Variants in PPP1R13B observed in about 807,000 individuals in gnomAD.
The protein encoded by PPP1R13B is protein phosphatase 1 regulatory subunit 13B, also known as apoptosis-stimulating of p53 protein 1.
PPP1R13B carries 44 observed loss-of-function variants against 119.8 expected under a neutral mutation model. The ratio of observed to expected loss-of-function variants is 0.37; its 90% CI spans 0.29 to 0.47. PPP1R13B has a LOEUF of 0.47. PPP1R13B is among the 20% of genes least tolerant of loss of function. PPP1R13B has a pLI of 0.99. For missense variants in PPP1R13B, 1,227 were observed against 1,413.5 expected (o/e 0.87, Z 2.12); for synonymous variants, 542 against 561.5 (o/e 0.97, Z 0.49).
intron 2 of PPP1R13B, among the ~76,000 whole-genome samples, chr14:103,792,710 C>T (rs906667758): frequency 2.0e-5 from 3 of 151,936 alleles, no homozygotes; most frequent in Admixed American, 2.0e-4. Context: ...GAGTTTAAGG[C>T]TGCAGTGAGC....
chr14:103,760,868 C>T (rs891748779), intron 4 of PPP1R13B, among the ~76,000 whole-genome samples: 2 of 152,208 alleles, frequency 1.3e-5, no homozygotes, highest in Non-Finnish European at 2.9e-5. Context: ...TCACTGCCTT[C>T]TTTCTCCAAA....
chr14:103,798,753 A>C (rs1025819081), intron 1 of PPP1R13B, among the ~76,000 whole-genome samples: 1 of 152,102 alleles, frequency 6.6e-6, no homozygotes, highest in African/African-American at 2.4e-5. Context: ...CCCAGGCTGG[A>C]GTGCAGTGGC....
rs1214594752 is a variant in PPP1R13B, at chr14:103,797,521, G to GT, written c.10-4dup. 5 of 1,607,774 alleles carry GT rather than the reference G, an allele frequency of 3.1e-6. No individual in the cohort carries two copies. In the Admixed American group the frequency reaches 8.4e-5, roughly 27 times the overall value. ...CTCAAGAAAACAGTTAATATCATCT[G>GT]TAAGACAAAAGAGTAAAGCTGTAAT... is the stretch of plus-strand genomic sequence containing the variant. On this transcript the variant is annotated splice_region_variant and splice_polypyrimidine_tract_variant and intron_variant, in intron 1 of 16. Transcript: ENST00000202556.
intron 1 of PPP1R13B, among the ~76,000 whole-genome samples, chr14:103,799,700 T>C (rs561328689): frequency 3.3e-5 from 5 of 152,106 alleles, no homozygotes; most frequent in Admixed American, 2.0e-4. Flanking sequence ...AATTTTTTTT[T>C]CCCCTTTTCC....
intron 1 of PPP1R13B, among the ~76,000 whole-genome samples, chr14:103,819,478 G>C (rs766330995): frequency 2.1e-5 from 3 of 139,958 alleles, no homozygotes; most frequent in Non-Finnish European, 3.0e-5. Flanking sequence ...GCCTGGGCAA[G>C]AGAATGAGAA....
Position 103,734,516 on chromosome 14 carries a change from G to A in PPP1R13B, c.*638C>T, listed in dbSNP as rs868585588. 9 of 456,312 alleles carry A rather than the reference G, an allele frequency of 2.0e-5. No individual in the cohort carries two copies. The Middle Eastern group carries it at 2.3e-3, about 116-fold the overall frequency. 28.3% of individuals were successfully genotyped at this position (456,312 alleles called of 1,614,324 possible). A position where few individuals can be genotyped will look rare whatever the true frequency, so the allele number is the denominator to read the frequency against. ...TAGGGGTCCTGGTGCCCGTGGCGCG[G>A]CAGTCCAGCCACAGTGCTGGGCCTG... On this transcript the variant is annotated 3_prime_UTR_variant, in exon 17 of 17. Transcript: ENST00000202556.
intron 1 of PPP1R13B, among the ~76,000 whole-genome samples, chr14:103,812,882 A>G (rs1476823727): frequency 6.6e-6 from 1 of 152,248 alleles, no homozygotes; most frequent in Non-Finnish European, 1.5e-5. Context: ...CACCTACTAG[A>G]ATGGCCCAAA....
rs140868107 is a variant in PPP1R13B at position 103,823,311 on chromosome 14, C to T, written c.9+23988G>A. 3.6e-3 allele frequency among the ~76,000 whole-genome samples: 545 copies of T among 151,622 alleles called. 5 individuals are homozygous for T. The highest frequency in any genetic ancestry group is 0.013 in the African/African-American group (529 of 41,294). On this transcript the variant is annotated intron_variant, in intron 1 of 16. Coordinates refer to ENST00000202556, the MANE Select transcript of PPP1R13B (RefSeq NM_015316.3). ...CTGAGATCGCGCCACTGCACTTCAG[C>T]CTGGGTGACACAGTGAGACTCTGTC...
intron 1 of PPP1R13B, among the ~76,000 whole-genome samples, chr14:103,815,624 G>A (rs1023029881): frequency 6.6e-6 from 1 of 151,766 alleles, no homozygotes; most frequent in Non-Finnish European, 1.5e-5. Flanking sequence ...GCACGGTGGC[G>A]GGCGCCTGTA....
intron 1 of PPP1R13B, among the ~76,000 whole-genome samples, chr14:103,802,462 T>C (rs112270561): frequency 0.017 from 2,548 of 152,310 alleles, 75 homozygotes; most frequent in African/African-American, 0.058. Context: ...AATGCCCTGT[T>C]TCACTCAGTA....
At chr14:103,745,130 A>T (rs1454034796) in intron 9 of PPP1R13B, among the ~76,000 whole-genome samples, 4 of 152,174 alleles carry the variant, frequency 2.6e-5, no homozygotes, top group Non-Finnish European at 5.9e-5. Flanking sequence ...CCAACCCCAC[A>T]CTTTATGTGG....
intron 1 of PPP1R13B, among the ~76,000 whole-genome samples, chr14:103,819,499 T>TAAAAAAAAAAA (rs151084316): frequency 1.6e-5 from 2 of 122,050 alleles, no homozygotes; most frequent in Non-Finnish European, 3.4e-5. Context: ...ATCTGTCTAT[T>TAAAAAAAAAAA]AAAAAAAACA....
chr14:103,826,873 G>A (rs570655402), intron 1 of PPP1R13B, among the ~76,000 whole-genome samples: 3 of 151,390 alleles, frequency 2.0e-5, no homozygotes, highest in South Asian at 4.2e-4. Context: ...TTAGCTGGGC[G>A]TGGTGGCAGG....
Position 103,738,262 on chromosome 14 carries a change from C to G in PPP1R13B, c.2865-402G>C, listed in dbSNP as rs557258126. 10 of 281,220 alleles carry G rather than the reference C, an allele frequency of 3.6e-5. No individual in the cohort carries two copies. In the South Asian group the frequency reaches 4.8e-4, roughly 13 times the overall value. 17.4% of individuals were successfully genotyped at this position (281,220 alleles called of 1,614,324 possible). A position where few individuals can be genotyped will look rare whatever the true frequency, so the allele number is the denominator to read the frequency against. Reference sequence around the variant, plus strand: ...TAACCCCCACAGGAGACCAACACGCCTCGCCCAGCAGCAGAGCTCCCGAAG... The same window carrying G: ...TAACCCCCACAGGAGACCAACACGCGTCGCCCAGCAGCAGAGCTCCCGAAG... On this transcript the variant is annotated intron_variant, in intron 14 of 16. Coordinates refer to ENST00000202556, the MANE Select transcript of PPP1R13B (RefSeq NM_015316.3). The surrounding 1 kb of genome is among the most constrained non-coding windows in gnomAD (Gnocchi z 5.6).
At chr14:103,737,948 G>A (rs933168793) in intron 14 of PPP1R13B, 88 bp from the exon 15 acceptor site, 45 of 1,394,230 alleles carry the variant, frequency 3.2e-5, no homozygotes, top group South Asian at 2.5e-4. Flanking sequence ...AAGGAATCTC[G>A]CGGAAGGCGT....
chr14:103,831,455 C>T (rs1042633108), intron 1 of PPP1R13B, among the ~76,000 whole-genome samples: 3 of 150,278 alleles, frequency 2.0e-5, no homozygotes, highest in African/African-American at 4.9e-5. Context: ...CATTACAGGG[C>T]GCCTGTCACC....
At position 103,791,672 on chromosome 14, in the gene PPP1R13B, C is replaced by T. The variant is rs374061845; in HGVS notation, c.157+5699G>A. Among the ~76,000 whole-genome samples, 5 of 152,266 alleles carry T rather than the reference C, an allele frequency of 3.3e-5. No homozygotes were observed. The South Asian group carries it at 8.3e-4, about 25-fold the overall frequency. On this transcript the variant is annotated intron_variant, in intron 2 of 16. Transcript: ENST00000202556. The stretch of plus-strand genomic sequence containing the variant: ...CCACGAGGTGGAGGTTGTAGTGAGC[C>T]GAGATCCTGCCAGGGCACTCCAGCC...
chr14:103,784,918 G>A lies in PPP1R13B; in HGVS notation c.158-4C>T. The A allele has an allele frequency of 9.0e-6, 14 of 1,552,990 alleles. No individual in the cohort carries two copies. Among genetic ancestry groups the A allele is most frequent in the Non-Finnish European group, 1.1e-5 (13 of 1,139,048 alleles). On this transcript the variant is annotated splice_polypyrimidine_tract_variant and splice_region_variant and intron_variant, in intron 2 of 16. Coordinates refer to ENST00000202556, the MANE Select transcript of PPP1R13B (RefSeq NM_015316.3). ...TGATCAAAGGGTATGGGACGTTCTA[G>A]GAAAAAGACCACATCTTTTTTACTC...
chr14:103,739,073 T>G, intron 12 of PPP1R13B, 50 bp from the exon 13 acceptor site: 1 of 1,576,878 alleles, frequency 6.3e-7, no homozygotes, highest in Non-Finnish European at 8.6e-7. Flanking sequence ...CACTGAAGTC[T>G]AAGAACCCAC....
Sources: gnomAD v4.1 joint callset for allele counts (sites outside exome capture counted in the v4.1 genomes callset) on GRCh38, gnomAD v4.1.1 for gene constraint, Gnocchi (gnomAD v3.1) non-coding constraint, MANE v1.5 for transcripts, NCBI Gene and HGNC (gene_info 2026-07-23, HGNC 2026-07-21) for gene names.